ARHGEF18: variants seen among roughly 807,000 people sequenced by gnomAD.
ARHGEF18 encodes Rho/Rac guanine nucleotide exchange factor 18, also known as rho guanine nucleotide exchange factor 18.
A neutral mutation model predicts 155.7 loss-of-function variants in ARHGEF18; 93 were observed. The ratio of observed to expected loss-of-function variants is 0.60; its 90% CI spans 0.50 to 0.71. The LOEUF (loss-of-function observed/expected upper bound fraction) is 0.71, where lower values mean the gene tolerates loss of function less well. Among genes scored for constraint, ARHGEF18 ranks in the 30% least tolerant of loss-of-function variants. The pLI, the probability that ARHGEF18 is intolerant of heterozygous loss-of-function variation, is 0.00. For missense variants in ARHGEF18, 1,593 were observed against 1,816.1 expected (o/e 0.88, Z 2.23); for synonymous variants, 742 against 753.1 (o/e 0.99, Z 0.24).
Position 7,456,396 on chromosome 19 carries a change from C to G in ARHGEF18, c.2174C>G (p.Ala725Gly). The change falls in exon 18 of 29, where the codon GCT becomes GGT. Residue 725 changes from alanine to glycine, a missense_variant. Ala to Gly is a moderately conservative substitution (Grantham distance 60). Transcript: ENST00000668164. ...LQEKDQKYVF[A>G]SVDSKPPVIS... ...GAAAAAGATCAGAAATACGTCTTTG[C>G]TTCTGTGGTATGTATCCTGTCTCTT... 1 of 1,613,984 alleles carries G rather than the reference C, an allele frequency of 6.2e-7. No homozygotes were observed. The highest frequency in any genetic ancestry group is 1.1e-5 in the South Asian group (1 of 91,076).
chr19:7,385,866 T>TCTCTCTCTCTCTCTCTCCCC (rs1971005142), intron 10 of ARHGEF18, among the ~76,000 whole-genome samples: 1 of 82,110 alleles, frequency 1.2e-5, no homozygotes, highest in African/African-American at 7.8e-5. Flanking sequence ...TCTCTCTCTC[T>TCTCTCTCTCTCTCTCTCCCC]CTCTCCCCCC....
intron 10 of ARHGEF18, among the ~76,000 whole-genome samples, chr19:7,416,342 A>G (rs550461433): frequency 7.2e-5 from 11 of 152,192 alleles, no homozygotes; most frequent in Admixed American, 6.5e-4. Flanking sequence ...TGAGCCCAGG[A>G]GTTCGAGGCT....
rs201650194 is a variant in ARHGEF18 at position 7,447,081 on chromosome 19, C to T, written c.1650C>T (p.Tyr550=). The T allele has an allele frequency of 1.3e-4, 204 of 1,613,564 alleles. No individual in the cohort carries two copies. The highest frequency in any genetic ancestry group is 1.3e-4 in the East Asian group (6 of 44,866). ...ATGGGGAGAGAATGAAAGAAAAGTA[C>T]GGTGTGTTTTGTAGTGGCCACAATG... ...GENGERMKEK[Y]GVFCSGHNEA... The change falls in exon 15 of 29, where the codon TAC becomes TAT. Residue 550 remains tyrosine (Y), a synonymous_variant. Coordinates refer to ENST00000668164, the MANE Select transcript of ARHGEF18 (RefSeq NM_001367823.1).
chr19:7,388,816 G>A (rs532171875), intron 10 of ARHGEF18, among the ~76,000 whole-genome samples: 16 of 151,908 alleles, frequency 1.1e-4, no homozygotes, highest in Non-Finnish European at 1.9e-4. Flanking sequence ...CCTGACCTCA[G>A]GTGATCCACC....
chr19:7,378,849 C>T (rs1019122545), intron 6 of ARHGEF18, among the ~76,000 whole-genome samples: 13 of 152,004 alleles, frequency 8.6e-5, no homozygotes, highest in African/African-American at 1.5e-4. Context: ...CCCGCCACCA[C>T]GCCCGGCTAA....
chr19:7,370,796 G>C (rs1463425007), intron 2 of ARHGEF18, among the ~76,000 whole-genome samples: 1 of 152,132 alleles, frequency 6.6e-6, no homozygotes, highest in Non-Finnish European at 1.5e-5. Flanking sequence ...TCTTGAGGAC[G>C]TTATGCTCGG....
At chr19:7,355,512 C>A in intron 1 of ARHGEF18, 1 of 612,392 alleles carries the variant, frequency 1.6e-6, no homozygotes, top group Non-Finnish European at 2.0e-6. Flanking sequence ...CTTCTATCAG[C>A]TGATGTATCT....
At chr19:7,449,129 C>A (rs1047354356) in intron 15 of ARHGEF18, among the ~76,000 whole-genome samples, 2 of 152,134 alleles carry the variant, frequency 1.3e-5, no homozygotes, top group Non-Finnish European at 2.9e-5. Flanking sequence ...AATCCCACAG[C>A]GGCTCCGGGC....
intron 2 of ARHGEF18, among the ~76,000 whole-genome samples, chr19:7,367,654 G>A (rs1157710543): frequency 1.3e-5 from 2 of 149,364 alleles, no homozygotes; most frequent in Admixed American, 6.8e-5. Context: ...ACTGAGGCAG[G>A]AGACTCACTT....
intron 16 of ARHGEF18, among the ~76,000 whole-genome samples, chr19:7,451,847 G>A (rs555266497): frequency 9.2e-5 from 14 of 152,054 alleles, no homozygotes; most frequent in African/African-American, 2.2e-4. Context: ...TCAGACTCCC[G>A]AGTAGCTAGG....
intron 18 of ARHGEF18, among the ~76,000 whole-genome samples, chr19:7,456,626 A>G (rs935721010): frequency 1.2e-4 from 18 of 152,174 alleles, no homozygotes; most frequent in African/African-American, 4.3e-4. Flanking sequence ...CTGAGGCAGG[A>G]TAATCACCTG....
chr19:7,432,271 G>A (rs1488740855), intron 10 of ARHGEF18, among the ~76,000 whole-genome samples: 1 of 151,990 alleles, frequency 6.6e-6, no homozygotes, highest in Non-Finnish European at 1.5e-5. Context: ...ATTGTCTCTC[G>A]AACACTCACC....
chr19:7,409,625 CG>C (rs1972550789), intron 10 of ARHGEF18, among the ~76,000 whole-genome samples: 1 of 150,762 alleles, frequency 6.6e-6, no homozygotes, highest in Admixed American at 6.6e-5. Context: ...TTAGTAAACA[CG>C]GGGTTTCACC....
At chr19:7,473,578 A>G (rs1476650000), downstream of ARHGEF18, among the ~76,000 whole-genome samples, 10 of 151,532 alleles carry the variant, frequency 6.6e-5, no homozygotes, top group South Asian at 4.2e-4. Flanking sequence ...TTGGGAAGCC[A>G]AGGTGGGCAG....
intron 10 of ARHGEF18, among the ~76,000 whole-genome samples, chr19:7,385,443 C>CATCATTATT (rs368615512): frequency 4.4e-5 from 6 of 136,664 alleles, no homozygotes; most frequent in Non-Finnish European, 9.4e-5. Flanking sequence ...CTGGGAACTT[C>CATCATTATT]ATTATTATTA....
At chr19:7,381,841 CT>C (rs1184330791) in intron 8 of ARHGEF18, among the ~76,000 whole-genome samples, 2 of 152,068 alleles carry the variant, frequency 1.3e-5, no homozygotes, top group Non-Finnish European at 2.9e-5. Flanking sequence ...CCCTCCTTTC[CT>C]CCCTCCCTCT....
intron 10 of ARHGEF18, among the ~76,000 whole-genome samples, chr19:7,397,868 G>GGTTTTT (rs1971812705): frequency 6.6e-6 from 1 of 152,024 alleles, no homozygotes; most frequent in South Asian, 2.1e-4. Flanking sequence ...CACAGCCTGT[G>GGTTTTT]GTTTTTGTTT....
At chr19:7,474,263 C>CA (rs1977162873), downstream of ARHGEF18, among the ~76,000 whole-genome samples, 1 of 150,856 alleles carries the variant, frequency 6.6e-6, no homozygotes, top group African/African-American at 2.4e-5. Flanking sequence ...CGGTTGAACC[C>CA]GGAGGCGGAG....
At position 7,462,460 on chromosome 19, in the gene ARHGEF18, G is replaced by C. The variant is rs1002561733; in HGVS notation, c.2635+126G>C. 9.2e-5 allele frequency: 93 copies of C among 1,011,982 alleles called. 2 individuals are homozygous for C. In the South Asian group the frequency reaches 1.5e-3, roughly 16 times the overall value. The allele number at this position is 1,011,982 out of a possible 1,614,324, so 62.7% of individuals were successfully genotyped here. A position where few individuals can be genotyped will look rare whatever the true frequency, so the allele number is the denominator to read the frequency against. On this transcript the variant is annotated intron_variant, in intron 21 of 28. Coordinates refer to ENST00000668164, the MANE Select transcript of ARHGEF18 (RefSeq NM_001367823.1). The surrounding 1 kb of genome is among the most constrained non-coding windows in gnomAD (Gnocchi z 4.4). ...CCTGTCCAGGACAGGCTTCTATGTG[G>C]GGGGGGCCCAGGAGCAGCACTGACC...
Sources: allele counts gnomAD v4.1 joint callset (sites outside exome capture counted in the v4.1 genomes callset), GRCh38; gene constraint gnomAD v4.1.1; non-coding constraint Gnocchi (gnomAD v3.1); transcripts MANE v1.5; gene names NCBI Gene and HGNC (gene_info 2026-07-23, HGNC 2026-07-21).